Variants in MED15 observed in about 807,000 individuals in gnomAD.
MED15 encodes the protein mediator complex subunit 15.
Under a neutral mutation model 118.7 loss-of-function variants are expected in MED15, and 41 were observed. The observed-to-expected ratio is 0.35, with a 90% CI of 0.27 to 0.45. MED15 has a LOEUF of 0.45. MED15 is among the 20% of genes least tolerant of loss of function. MED15 has a pLI of 1.00. For synonymous variants in MED15, 436 were observed against 413.9 expected, an observed-to-expected ratio of 1.05 and a Z score of -0.65; for missense variants, 740 against 1,025.5, an observed-to-expected ratio of 0.72 and a Z score of 3.80.
At chr22:20,575,050 C>T in intron 8 of MED15, 63 bp from the exon 9 acceptor site, 3 of 1,603,974 alleles carry the variant, frequency 1.9e-6, no homozygotes, top group Non-Finnish European at 1.7e-6. Flanking sequence ...GCCCTCTCCA[C>T]CTGCCCAGGC....
intron 6 of MED15, among the ~76,000 whole-genome samples, chr22:20,566,187 G>C (rs2056432624): frequency 6.6e-6 from 1 of 152,032 alleles, no homozygotes; most frequent in African/African-American, 2.4e-5. Flanking sequence ...TTACAGGTGT[G>C]AGCCACCATG....
intron 8 of MED15, among the ~76,000 whole-genome samples, chr22:20,569,757 A>G (rs544730297): frequency 1.3e-5 from 2 of 152,200 alleles, no homozygotes; most frequent in East Asian, 3.9e-4. Context: ...CCCTGTATGA[A>G]ACACACCACA....
chr22:20,549,785 C>T (rs543478133), intron 2 of MED15, among the ~76,000 whole-genome samples: 9 of 152,262 alleles, frequency 5.9e-5, no homozygotes, highest in East Asian at 3.9e-4. Flanking sequence ...GCAGTGGCTG[C>T]GCCTACTGTG....
Position 20,582,699 on chromosome 22 carries a change from C to T in MED15, c.1361C>T (p.Pro454Leu), listed in dbSNP as rs746013119. 1 of 1,597,214 alleles carries T rather than the reference C, an allele frequency of 6.3e-7. No homozygotes were observed. Among genetic ancestry groups the T allele is most frequent in the Non-Finnish European group, 8.5e-7 (1 of 1,178,070 alleles). ...CAGTCGATGCCCCCTCCCCCCCAGC[C>T]GTCCCCGCAGCCCGGCCAGCCCAGC... ...TPQSMPPPPQ[P>L]SPQPGQPSSQ... is the part of the protein sequence containing the mutation. Residue 454 changes from proline (P) to leucine (L), a missense_variant, in exon 10 of 18, where the codon CCG (proline) becomes CTG (leucine). Physicochemically the swap from Pro to Leu is moderately conservative, Grantham distance 98. Around this residue, in one of 7 missense-constraint regions of MED15, gnomAD observed 384 missense variants for 506.3 expected, o/e 0.76. Coordinates refer to ENST00000263205, the MANE Select transcript of MED15 (RefSeq NM_001003891.3).
At chr22:20,547,333 G>A (rs16988501) in intron 2 of MED15, among the ~76,000 whole-genome samples, 5,486 of 152,106 alleles carry the variant, frequency 0.036, 301 homozygotes, top group African/African-American at 0.12. Flanking sequence ...TTAATATTCA[G>A]CTCATTTGTT....
chr22:20,579,225 G>A (rs959954343), intron 9 of MED15, among the ~76,000 whole-genome samples: 2 of 152,090 alleles, frequency 1.3e-5, no homozygotes, highest in Non-Finnish European at 2.9e-5. Context: ...TGCCTCCCCA[G>A]AGCCTAGAGC....
At chr22:20,555,179 G>A (rs377448548) in intron 5 of MED15, 31 bp downstream of exon 5, 7 of 1,531,798 alleles carry the variant, frequency 4.6e-6, no homozygotes, top group African/African-American at 2.7e-5. Flanking sequence ...AGGATTTGCC[G>A]CTTTCCTTGC....
At chr22:20,510,898 AC>A (rs2054040649) in intron 1 of MED15, among the ~76,000 whole-genome samples, 1 of 152,178 alleles carries the variant, frequency 6.6e-6, no homozygotes, top group Non-Finnish European at 1.5e-5. Context: ...GGGATTAGGC[AC>A]GAGATGGGCA....
intron 5 of MED15, 26 bp from the exon 6 acceptor site, chr22:20,564,424 G>T: frequency 6.2e-7 from 1 of 1,612,988 alleles, no homozygotes; most frequent in Non-Finnish European, 8.5e-7. Flanking sequence ...CCTGTGGACT[G>T]ACTGGCGACT....
chr22:20,561,408 T>C (rs2056236148), intron 5 of MED15, among the ~76,000 whole-genome samples: 1 of 151,674 alleles, frequency 6.6e-6, no homozygotes, highest in Admixed American at 6.6e-5. Context: ...TAATCCCAGC[T>C]ACTTGGGAGG....
chr22:20,566,915 C>T (rs2056463344), intron 7 of MED15, 98 bp downstream of exon 7: 1 of 1,545,412 alleles, frequency 6.5e-7, no homozygotes, highest in African/African-American at 1.4e-5. Flanking sequence ...TCCTATTCTT[C>T]AAGTGCTGAG....
chr22:20,531,522 CCAGG>C (rs1355864461), intron 1 of MED15, among the ~76,000 whole-genome samples: 7 of 152,350 alleles, frequency 4.6e-5, no homozygotes, highest in East Asian at 1.9e-4. Context: ...CTGCTTCCTG[CCAGG>C]CCCAGCTGCC....
intron 5 of MED15, among the ~76,000 whole-genome samples, chr22:20,564,107 C>G (rs964918049): frequency 6.6e-6 from 1 of 152,086 alleles, no homozygotes; most frequent in Non-Finnish European, 1.5e-5. Context: ...AGCACATGTT[C>G]GATGCCATTC....
intron 6 of MED15, among the ~76,000 whole-genome samples, chr22:20,564,994 G>A (rs1276361174): frequency 4.6e-5 from 7 of 152,174 alleles, no homozygotes; most frequent in African/African-American, 9.7e-5. Context: ...ACATGGTGGC[G>A]TACACCTATA....
At position 20,568,640 on chromosome 22, in the gene MED15, C is replaced by T. The variant is rs1169322397; in HGVS notation, c.1152+9C>T. ...TGGCTCCCGGAGTCCAGGTGAGGGC[C>T]TGGGGGTGGAGGGCTCCATAGTCAT... On this transcript the variant is annotated intron_variant, in intron 8 of 17. Transcript: ENST00000263205. The T allele has an allele frequency of 1.9e-6, 3 of 1,611,948 alleles. No homozygotes were observed. The highest frequency in any genetic ancestry group is 2.5e-6 in the Non-Finnish European group (3 of 1,179,368).
chr22:20,583,127 G>A lies in MED15; in HGVS notation c.1552G>A (p.Val518Ile), dbSNP rs942526350. The A allele has an allele frequency of 1.9e-6, 3 of 1,600,508 alleles. No individual in the cohort carries two copies. Among genetic ancestry groups the A allele is most frequent in the Non-Finnish European group, 2.6e-6 (3 of 1,173,452 alleles). The change falls in exon 12 of 18, where the codon GTC becomes ATC. Residue 518 changes from valine to isoleucine, a missense_variant. Physicochemically the swap from Val to Ile is conservative, Grantham distance 29. This residue lies in a region of MED15 where 384 missense variants were observed against 506.3 expected (regional missense o/e 0.76). Transcript: ENST00000263205. ...PLNTPVNPSS[V>I]MSPAGSSQAE... ...GTGTCCTGCAGTGAACCCCAGCTCT[G>A]TCATGAGCCCAGCTGGCTCCAGCCA...
At chr22:20,507,976 T>G in intron 1 of MED15, 1 of 1,434,934 alleles carries the variant, frequency 7.0e-7, no homozygotes, top group Non-Finnish European at 9.1e-7. Flanking sequence ...AGCCCTGGCT[T>G]ATGAATCATC....
chr22:20,562,863 C>T lies in MED15; in HGVS notation c.452-1587C>T, dbSNP rs375956214. On this transcript the variant is annotated intron_variant, in intron 5 of 17. Coordinates refer to ENST00000263205, the MANE Select transcript of MED15 (RefSeq NM_001003891.3). ...GATCAGCCTGGGCAACAAAGTGAGACTGTCTCTATAAAAATTTTACAAATT... is the reference window on the plus strand; with the variant it reads ...GATCAGCCTGGGCAACAAAGTGAGATTGTCTCTATAAAAATTTTACAAATT... Among the ~76,000 whole-genome samples, 89 of 152,138 alleles carry T rather than the reference C, an allele frequency of 5.8e-4. 1 individual carries two copies. The South Asian group carries it at 0.018, about 31-fold the overall frequency.
chr22:20,538,903 G>C (rs2055182157), intron 2 of MED15, among the ~76,000 whole-genome samples: 1 of 152,002 alleles, frequency 6.6e-6, no homozygotes, highest in Non-Finnish European at 1.5e-5. Flanking sequence ...GTTTCATCAT[G>C]TTGGCCAGGC....
Sources: allele counts gnomAD v4.1 joint callset (sites outside exome capture counted in the v4.1 genomes callset), GRCh38; gene constraint gnomAD v4.1.1; regional missense constraint gnomAD v4.1.1; transcripts MANE v1.5; gene names NCBI Gene and HGNC (gene_info 2026-07-23, HGNC 2026-07-21).